Variants in MMS22L observed in about 807,000 individuals in gnomAD.
MMS22L encodes protein MMS22-like.
MMS22L carries 74 observed loss-of-function variants against 159.1 expected under a neutral mutation model. That is an observed-to-expected ratio of 0.47 (90% CI 0.39 to 0.56). MMS22L has a LOEUF of 0.56. Ranked by LOEUF, MMS22L falls within the 20% of genes least tolerant of loss-of-function variation. The pLI is 0.00. For synonymous variants in MMS22L, 517 were observed against 506.9 expected, an observed-to-expected ratio of 1.02 and a Z score of -0.27; for missense variants, 1,351 against 1,422.1, an observed-to-expected ratio of 0.95 and a Z score of 0.80.
intron 7 of MMS22L, among the ~76,000 whole-genome samples, chr6:97,269,473 T>C (rs538721267): frequency 6.6e-6 from 1 of 152,162 alleles, no homozygotes; most frequent in African/African-American, 2.4e-5. Context: ...ATTTGTAAAA[T>C]CAAAAAATGA....
chr6:97,156,884 T>G, intron 22 of MMS22L, among the ~76,000 whole-genome samples: 1 of 152,208 alleles, frequency 6.6e-6, no homozygotes, highest in Non-Finnish European at 1.5e-5. Context: ...TTGATGGGAA[T>G]AGCATTGAAT....
At position 97,143,726 on chromosome 6, in the gene MMS22L, G is replaced by A. The variant is rs1800746763; in HGVS notation, c.*3080C>T. The A allele has an allele frequency of 6.6e-6, 1 of 152,144 alleles. No individual in the cohort carries two copies. The highest frequency in any genetic ancestry group is 2.1e-4 in the South Asian group (1 of 4,816). 9.4% of individuals were successfully genotyped at this position (152,144 alleles called of 1,614,324 possible). ...CAAGGCTAAATAACTTAGGACAATA[G>A]TGTATTCCCTGGGTAGAAAATGAAA... is the stretch of plus-strand genomic sequence containing the variant. On this transcript the variant is annotated 3_prime_UTR_variant, in exon 25 of 25. Transcript: ENST00000683635.
rs991760614 is a variant in MMS22L, at chr6:97,214,949, G to A, written c.2039+13945C>T. ...CCAACCCAGTTGAGGCCCCCTGAAA[G>A]AATACTATTCCAGGAAGGGTGTACA... On this transcript the variant is annotated intron_variant, in intron 14 of 24. Coordinates refer to ENST00000683635, the MANE Select transcript of MMS22L (RefSeq NM_001350599.2). 2.0e-5 allele frequency among the ~76,000 whole-genome samples: 3 copies of A among 151,002 alleles called. No individual in the cohort carries two copies. In the South Asian group the frequency reaches 6.2e-4, roughly 31 times the overall value.
intron 9 of MMS22L, among the ~76,000 whole-genome samples, chr6:97,262,581 T>C (rs776588436): frequency 6.7e-6 from 1 of 150,130 alleles, no homozygotes; most frequent in Non-Finnish European, 1.5e-5. Context: ...GAGGCGGAGA[T>C]TGCAGTGAGC....
In MMS22L at chr6:97,231,555, C is replaced by T; in HGVS notation, c.1400G>A (p.Cys467Tyr). The change falls in exon 13 of 25, where the codon TGC (cysteine) becomes TAC (tyrosine). Residue 467 changes from cysteine (C) to tyrosine (Y), a missense_variant. Cys to Tyr is a radical substitution (Grantham distance 194, BLOSUM62 -2). Transcript: ENST00000683635. ...ATATAGTTCCTGATCTTGTTTATCG[C>T]AACAGCAAGTCTTCACCATTTCAAG... ...SMLEMVKTCC[C>Y]DKQDQELYKS... The T allele has an allele frequency of 6.2e-7, 1 of 1,613,734 alleles. No individual in the cohort carries two copies. Among genetic ancestry groups the T allele is most frequent in the South Asian group, 1.1e-5 (1 of 91,060 alleles).
At chr6:97,173,862 T>C (rs1033436) in intron 18 of MMS22L, among the ~76,000 whole-genome samples, 67,893 of 151,478 alleles carry the variant, frequency 0.45, 15,341 homozygotes, top group South Asian at 0.53. Context: ...GGAAAGGAAA[T>C]AAATGAGAGA....
chr6:97,151,613 TCA>T (rs1801324125), intron 23 of MMS22L, 156 bp downstream of exon 23: 1 of 593,130 alleles, frequency 1.7e-6, no homozygotes, highest in Non-Finnish European at 3.0e-6. Context: ...CAATAAAACA[TCA>T]CAGTGTAACA....
chr6:97,173,647 A>G (rs746098539), intron 18 of MMS22L, among the ~76,000 whole-genome samples: 1 of 152,146 alleles, frequency 6.6e-6, no homozygotes, highest in Admixed American at 6.5e-5. Flanking sequence ...GTAATGCCAA[A>G]TTTTTACAAG....
intron 11 of MMS22L, among the ~76,000 whole-genome samples, chr6:97,238,435 G>A (rs1811660601): frequency 6.6e-6 from 1 of 152,128 alleles, no homozygotes; most frequent in South Asian, 2.1e-4. Context: ...CATGCCCTCT[G>A]ATTAAAGATT....
In MMS22L at chr6:97,254,546, T is replaced by C. The variant is rs757513679; in HGVS notation, c.1119+11A>G. The stretch of plus-strand genomic sequence containing the variant: ...ACAATATAAGAAAGTTTTTAAAAAA[T>C]GAAGTCTTACCATTTCATCTGGTAC... On this transcript the variant is annotated intron_variant, in intron 10 of 24. Coordinates refer to ENST00000683635, the MANE Select transcript of MMS22L (RefSeq NM_001350599.2). 2.4e-5 allele frequency: 38 copies of C among 1,607,886 alleles called. No homozygotes were observed. The Admixed American group carries it at 6.4e-4, about 27-fold the overall frequency.
rs150575885 is a variant in MMS22L, at chr6:97,233,904, A to G, written c.1259T>C (p.Ile420Thr). The change falls in exon 12 of 25, where the codon ATT becomes ACT. Residue 420 changes from isoleucine to threonine, a missense_variant. Coordinates refer to ENST00000683635, the MANE Select transcript of MMS22L (RefSeq NM_001350599.2). ...TTCCCATAAAATGGTAACAATTGCA[A>G]TGTTTGGCTCCCAGAAATCACAAAG... ...LTLCDFWEPN[I>T]AIVTILWEYY... 4.0e-5 allele frequency: 65 copies of G among 1,611,324 alleles called. No homozygotes were observed. The African/African-American group carries it at 7.2e-4, about 18-fold the overall frequency.
intron 14 of MMS22L, among the ~76,000 whole-genome samples, chr6:97,210,641 A>G (rs532331734): frequency 6.6e-6 from 1 of 152,088 alleles, no homozygotes; most frequent in Non-Finnish European, 1.5e-5. Flanking sequence ...GTATTAGTCT[A>G]TATAGAAATC....
Position 97,149,889 on chromosome 6 carries a change from T to A in MMS22L, c.3614A>T (p.Glu1205Val). 1 of 1,613,230 alleles carries A rather than the reference T, an allele frequency of 6.2e-7. No homozygotes were observed. The highest frequency in any genetic ancestry group is 8.5e-7 in the Non-Finnish European group (1 of 1,179,536). Residue 1205 changes from glutamate (E) to valine (V), a missense_variant, in exon 24 of 25, where the codon GAG becomes GTG. Glu to Val is a moderately radical substitution (Grantham distance 121). Transcript: ENST00000683635. ...ATTCCTGCCAAGGCCCCATTTCTGC[T>A]CTGAATCCTTCAGAGACTGAGTAAG... ...STLTQSLKDS[E>V]QKWGLGRNIA... is the part of the protein sequence containing the mutation.
At chr6:97,209,873 C>T (rs551655853) in intron 14 of MMS22L, among the ~76,000 whole-genome samples, 58 of 151,902 alleles carry the variant, frequency 3.8e-4, no homozygotes, top group Non-Finnish European at 8.0e-4. Context: ...AAAAGCAGCT[C>T]TATATAAGCA....
intron 14 of MMS22L, among the ~76,000 whole-genome samples, chr6:97,196,208 A>G (rs926440204): frequency 6.6e-6 from 1 of 152,312 alleles, no homozygotes; most frequent in African/African-American, 2.4e-5. Context: ...AAGAATGTAC[A>G]GTTAAGTGCC....
rs146742582 is a variant in MMS22L, at chr6:97,178,475, C to T, written c.2647G>A (p.Asp883Asn). Residue 883 changes from aspartate to asparagine, a missense_variant, in exon 18 of 25, where the codon GAC (aspartate) becomes AAC (asparagine). Asp to Asn is a conservative substitution (Grantham distance 23). Coordinates refer to ENST00000683635, the MANE Select transcript of MMS22L (RefSeq NM_001350599.2). ...AATCGAACAAGTGCTTTTTTAGGGTCTTCTGAGATGGATAAATATTCAACT... is the reference window on the plus strand; with the variant it reads ...AATCGAACAAGTGCTTTTTTAGGGTTTTCTGAGATGGATAAATATTCAACT... ...AQVEYLSISE[D>N]PKKALVRFFE... 1.9e-6 allele frequency: 3 copies of T among 1,574,672 alleles called. No individual in the cohort carries two copies. The highest frequency in any genetic ancestry group is 2.7e-5 in the African/African-American group (2 of 73,096).
At chr6:97,147,547 A>G (rs1054735313) in intron 24 of MMS22L, among the ~76,000 whole-genome samples, 30 of 152,194 alleles carry the variant, frequency 2.0e-4, no homozygotes, top group Non-Finnish European at 3.7e-4. Flanking sequence ...TTAACAACAT[A>G]CTGCATTAGG....
chr6:97,238,572 C>CGTGTGTGTGTGTGTGTGTGTGTGT (rs71740630), intron 11 of MMS22L, among the ~76,000 whole-genome samples: 2 of 91,536 alleles, frequency 2.2e-5, no homozygotes, highest in African/African-American at 6.8e-5. Flanking sequence ...TGTCTCATCT[C>CGTGTGTGTGTGTGTGTGTGTGTGT]GTGTGTGTGT....
intron 18 of MMS22L, among the ~76,000 whole-genome samples, chr6:97,176,381 G>C (rs1007214527): frequency 6.6e-6 from 1 of 151,882 alleles, no homozygotes; most frequent in Non-Finnish European, 1.5e-5. Flanking sequence ...GTATTTCTCG[G>C]TACCTTGATA....
Sources: allele counts gnomAD v4.1 joint callset (sites outside exome capture counted in the v4.1 genomes callset), GRCh38; gene constraint gnomAD v4.1.1; transcripts MANE v1.5; gene names NCBI Gene and HGNC (gene_info 2026-07-23, HGNC 2026-07-21).